TOGARAM1: variants seen among roughly 807,000 people sequenced by gnomAD.
The protein encoded by TOGARAM1 is TOG array regulator of axonemal microtubules protein 1.
A neutral mutation model predicts 166.6 loss-of-function variants in TOGARAM1; 100 were observed. That is an observed-to-expected ratio of 0.60 (90% CI 0.51 to 0.71). TOGARAM1 has a LOEUF of 0.71. TOGARAM1 is among the 30% of genes least tolerant of loss of function. The pLI is 0.00. For synonymous variants in TOGARAM1, 758 were observed against 763.8 expected (o/e 0.99, Z 0.13); for missense variants, 2,029 against 2,102.7 (o/e 0.96, Z 0.69).
chr14:44,986,946 A>ACC (rs1886841832), intron 1 of TOGARAM1, among the ~76,000 whole-genome samples: 1 of 150,592 alleles, frequency 6.6e-6, no homozygotes, highest in South Asian at 2.1e-4. Flanking sequence ...GCGAGCTTGC[A>ACC]GTGAACCGAG....
At chr14:45,060,361 G>A (rs540292288) in intron 16 of TOGARAM1, among the ~76,000 whole-genome samples, 3 of 151,816 alleles carry the variant, frequency 2.0e-5, no homozygotes, top group Non-Finnish European at 2.9e-5. Context: ...GACTACAGGC[G>A]TGTGCCACCA....
intron 1 of TOGARAM1, among the ~76,000 whole-genome samples, chr14:44,975,934 C>G (rs1886162885): frequency 6.7e-6 from 1 of 148,584 alleles, no homozygotes; most frequent in Non-Finnish European, 1.5e-5. Flanking sequence ...TTTATAAAAT[C>G]TTCTTAGTGA....
At chr14:44,987,395 A>T (rs1886880851) in intron 1 of TOGARAM1, among the ~76,000 whole-genome samples, 1 of 152,236 alleles carries the variant, frequency 6.6e-6, no homozygotes, top group East Asian at 1.9e-4. Flanking sequence ...CAAAGAACTC[A>T]AACAAATTTA....
intron 1 of TOGARAM1, among the ~76,000 whole-genome samples, chr14:44,976,248 G>C (rs1328214589): frequency 1.3e-5 from 2 of 152,022 alleles, no homozygotes; most frequent in Admixed American, 6.6e-5. Flanking sequence ...CTTATTCGTT[G>C]CCTATCTACA....
intron 16 of TOGARAM1, among the ~76,000 whole-genome samples, chr14:45,055,294 T>C (rs1022585809): frequency 6.6e-6 from 1 of 152,230 alleles, no homozygotes; most frequent in Admixed American, 6.5e-5. Flanking sequence ...CATCATTTAT[T>C]GAAAAGAGTG....
intron 3 of TOGARAM1, among the ~76,000 whole-genome samples, chr14:45,003,014 A>G (rs1181873095): frequency 1.3e-5 from 2 of 152,168 alleles, no homozygotes; most frequent in Non-Finnish European, 2.9e-5. Flanking sequence ...TTAAATCTCT[A>G]GGAATATATG....
intron 13 of TOGARAM1, among the ~76,000 whole-genome samples, chr14:45,045,773 C>T (rs1280249450): frequency 1.4e-5 from 2 of 140,238 alleles, no homozygotes; most frequent in Non-Finnish European, 3.1e-5. Flanking sequence ...ATATATAAAA[C>T]ATTTTCTTTA....
At chr14:45,006,590 T>A (rs1471571221) in intron 5 of TOGARAM1, 1 of 162,078 alleles carries the variant, frequency 6.2e-6, no homozygotes, top group Non-Finnish European at 1.3e-5. Context: ...CAGTGAACAG[T>A]TTGTCATATT....
At chr14:44,991,591 T>C (rs1887139374) in intron 1 of TOGARAM1, among the ~76,000 whole-genome samples, 1 of 152,180 alleles carries the variant, frequency 6.6e-6, no homozygotes, top group Non-Finnish European at 1.5e-5. Context: ...CACTGCAAGA[T>C]TGTAATAGTG....
chr14:45,057,804 T>C (rs1283006770), intron 16 of TOGARAM1, among the ~76,000 whole-genome samples: 1 of 152,224 alleles, frequency 6.6e-6, no homozygotes, highest in Non-Finnish European at 1.5e-5. Context: ...TCTAAGAAGA[T>C]ACTTGATTTG....
At chr14:45,049,447 G>C (rs1882249666) in intron 14 of TOGARAM1, among the ~76,000 whole-genome samples, 1 of 152,144 alleles carries the variant, frequency 6.6e-6, no homozygotes, top group Non-Finnish European at 1.5e-5. Flanking sequence ...TTTTGGTAGA[G>C]ATGGGGTTTC....
chr14:45,020,828 A>G (rs984542820), intron 7 of TOGARAM1, among the ~76,000 whole-genome samples: 12 of 152,170 alleles, frequency 7.9e-5, no homozygotes, highest in Non-Finnish European at 1.5e-4. Context: ...CAGATTGGAA[A>G]CAAGAGGTCC....
intron 1 of TOGARAM1, among the ~76,000 whole-genome samples, chr14:44,992,441 G>A (rs1284692394): frequency 6.6e-6 from 1 of 151,932 alleles, no homozygotes; most frequent in Non-Finnish European, 1.5e-5. Context: ...AGTAAAGCCA[G>A]GAGTATAGGT....
chr14:45,037,462 G>A (rs1881491928), intron 11 of TOGARAM1, among the ~76,000 whole-genome samples: 1 of 152,176 alleles, frequency 6.6e-6, no homozygotes, highest in Non-Finnish European at 1.5e-5. Context: ...TGGAGAGGGT[G>A]TAATACAGTC....
chr14:45,036,707 A>G (rs1188165811), intron 11 of TOGARAM1, among the ~76,000 whole-genome samples: 2 of 152,238 alleles, frequency 1.3e-5, no homozygotes, highest in African/African-American at 4.8e-5. Context: ...GGCTGAAATC[A>G]AAGTATCAGC....
rs879332838 is a variant in TOGARAM1, at chr14:45,071,159, A to C, written c.4970-553A>C. 3.0e-4 allele frequency among the ~76,000 whole-genome samples: 46 copies of C among 152,014 alleles called. 2 individuals are homozygous for C. Among genetic ancestry groups the C allele is most frequent in the Admixed American group, 3.0e-3 (45 of 15,248 alleles). ...ATGGTCTCAAACTCCTGACCTTGTG[A>C]TCTGCCCACCTTGGCCTCCCAAAGT... On this transcript the variant is annotated intron_variant, in intron 18 of 19. Coordinates refer to ENST00000361462, the MANE Select transcript of TOGARAM1 (RefSeq NM_001308120.2).
At chr14:44,971,723 C>T (rs750830095) in intron 1 of TOGARAM1, among the ~76,000 whole-genome samples, 6 of 152,090 alleles carry the variant, frequency 3.9e-5, no homozygotes, top group African/African-American at 9.7e-5. Flanking sequence ...CACTGCATAC[C>T]GCAAATCTTG....
chr14:45,019,555 C>G (rs961682299), intron 7 of TOGARAM1, among the ~76,000 whole-genome samples: 1 of 152,096 alleles, frequency 6.6e-6, no homozygotes, highest in South Asian at 2.1e-4. Flanking sequence ...GGAGGGTAGC[C>G]GTTGCCAGCT....
rs1231371044 is a variant in TOGARAM1 at position 45,052,525 on chromosome 14, C to A, written c.4403C>A (p.Pro1468Gln). Residue 1468 changes from proline to glutamine, a missense_variant, in exon 15 of 20, where the codon CCA (proline) becomes CAA (glutamine). By Grantham distance (76) the Pro-to-Gln change is moderately conservative. This residue lies in a region of TOGARAM1 where 576 missense variants were observed against 670.5 expected (regional missense o/e 0.86). Coordinates refer to ENST00000361462, the MANE Select transcript of TOGARAM1 (RefSeq NM_001308120.2). ...LEKYVPSKDL[P>Q]YIKDSVRNLQ... The stretch of plus-strand genomic sequence containing the variant: ...AAGTATGTCCCATCTAAAGATTTGC[C>A]ATATATTAAGGACTCTGTTAGAAAC... 1.2e-6 allele frequency: 2 copies of A among 1,611,416 alleles called. No individual in the cohort carries two copies. The highest frequency in any genetic ancestry group is 4.5e-5 in the East Asian group (2 of 44,778).
Sources: allele counts gnomAD v4.1 joint callset (sites outside exome capture counted in the v4.1 genomes callset), GRCh38; gene constraint gnomAD v4.1.1; regional missense constraint gnomAD v4.1.1; transcripts MANE v1.5; gene names NCBI Gene and HGNC (gene_info 2026-07-23, HGNC 2026-07-21).